DLC1: variants seen among roughly 807,000 people sequenced by gnomAD.
The protein encoded by DLC1 is rho GTPase-activating protein 7.
In DLC1, 54 loss-of-function variants were observed where a neutral mutation model predicts 140.3. The ratio of observed to expected loss-of-function variants is 0.38; its 90% CI spans 0.31 to 0.48. The LOEUF (loss-of-function observed/expected upper bound fraction) is 0.48, where lower values mean the gene tolerates loss of function less well. Ranked by LOEUF, DLC1 falls within the 20% of genes least tolerant of loss-of-function variation. The probability of loss-of-function intolerance (pLI) is 0.96; values close to 1 mark genes in which losing one functional copy is unlikely to be tolerated. For synonymous variants in DLC1, 986 were observed against 728.1 expected (o/e 1.35, Z -5.70); for missense variants, 2,536 against 1,907.0 (o/e 1.33, Z -6.14).
chr8:13,467,793 A>C (rs142626248), intron 2 of DLC1, among the ~76,000 whole-genome samples: 3 of 152,144 alleles, frequency 2.0e-5, no homozygotes, highest in Admixed American at 6.5e-5. Flanking sequence ...ATCTCTTCAT[A>C]TGATCATAAA....
At chr8:13,175,552 A>G (rs1336198243) in intron 5 of DLC1, among the ~76,000 whole-genome samples, 1 of 152,120 alleles carries the variant, frequency 6.6e-6, no homozygotes, top group African/African-American at 2.4e-5. Flanking sequence ...CACATATTTT[A>G]AAATTCAACT....
chr8:13,445,881 T>C (rs1798752504), intron 2 of DLC1, among the ~76,000 whole-genome samples: 1 of 151,952 alleles, frequency 6.6e-6, no homozygotes, highest in South Asian at 2.1e-4. Context: ...TACAAAGAAA[T>C]AGACATTTTA....
intron 1 of DLC1, among the ~76,000 whole-genome samples, chr8:13,597,980 C>T (rs75810959): frequency 0.018 from 2,685 of 152,012 alleles, 43 homozygotes; most frequent in Non-Finnish European, 0.029. Flanking sequence ...ATGTTTACAC[C>T]GAAAATAAAA....
At chr8:13,591,050 T>C (rs534966351) in intron 1 of DLC1, among the ~76,000 whole-genome samples, 1 of 152,240 alleles carries the variant, frequency 6.6e-6, no homozygotes, top group Admixed American at 6.6e-5. Flanking sequence ...AGGAAATTTA[T>C]ATGACATGAG....
intron 1 of DLC1, among the ~76,000 whole-genome samples, chr8:13,532,200 G>A (rs567082616): frequency 7.9e-5 from 12 of 152,240 alleles, no homozygotes; most frequent in Admixed American, 2.0e-4. Context: ...AGCCCAGGAC[G>A]TTGAGGTTGC....
chr8:13,120,356 A>AAAAAAAAATAAATATATATATATAT, intron 5 of DLC1, among the ~76,000 whole-genome samples: 3 of 61,124 alleles, frequency 4.9e-5, no homozygotes, highest in Admixed American at 2.7e-4. Context: ...AAAAAAAAAA[A>AAAAAAAAATAAATATATATATATAT]ATATATATAT....
At chr8:13,451,162 T>G (rs1338404926) in intron 2 of DLC1, among the ~76,000 whole-genome samples, 1 of 149,740 alleles carries the variant, frequency 6.7e-6, no homozygotes, top group African/African-American at 2.5e-5. Flanking sequence ...CAAAGATGTA[T>G]AAAGGTCTTT....
intron 2 of DLC1, among the ~76,000 whole-genome samples, chr8:13,420,854 G>T (rs914040053): frequency 1.3e-5 from 2 of 152,080 alleles, no homozygotes; most frequent in Non-Finnish European, 2.9e-5. Context: ...AGACTAACCT[G>T]CTTAATTTTA....
At chr8:13,596,102 A>G (rs766346976) in intron 1 of DLC1, among the ~76,000 whole-genome samples, 1 of 152,042 alleles carries the variant, frequency 6.6e-6, no homozygotes, top group Non-Finnish European at 1.5e-5. Context: ...TTTTGAGATG[A>G]AAATGATAAG....
chr8:13,535,248 C>A (rs988713687), intron 1 of DLC1, among the ~76,000 whole-genome samples: 1 of 151,724 alleles, frequency 6.6e-6, no homozygotes, highest in African/African-American at 2.4e-5. Context: ...TCTGTGGGTG[C>A]GAGTGTGTGT....
chr8:13,430,130 G>C (rs745588111), intron 2 of DLC1, among the ~76,000 whole-genome samples: 7 of 152,146 alleles, frequency 4.6e-5, no homozygotes, highest in Admixed American at 2.0e-4. Context: ...CTCTAAGTTA[G>C]TCCAAAGGAA....
intron 4 of DLC1, among the ~76,000 whole-genome samples, chr8:13,364,160 T>C (rs1484756718): frequency 6.6e-6 from 1 of 152,196 alleles, no homozygotes; most frequent in Non-Finnish European, 1.5e-5. Flanking sequence ...AGAAGATTTC[T>C]TGTCCAGATT....
intron 4 of DLC1, among the ~76,000 whole-genome samples, chr8:13,330,952 T>C (rs118136560): frequency 0.031 from 4,750 of 152,154 alleles, 111 homozygotes; most frequent in South Asian, 0.095. Context: ...ATAAACATAA[T>C]GGATAGACAT....
intron 5 of DLC1, among the ~76,000 whole-genome samples, chr8:13,196,268 A>G (rs187553653): frequency 1.7e-4 from 26 of 152,332 alleles, no homozygotes; most frequent in African/African-American, 6.3e-4. Flanking sequence ...TGATAATACA[A>G]GTATGCTAAA....
chr8:13,541,698 T>C (rs918053469), intron 1 of DLC1, among the ~76,000 whole-genome samples: 1 of 152,022 alleles, frequency 6.6e-6, no homozygotes, highest in Non-Finnish European at 1.5e-5. Flanking sequence ...TACAGGCGCC[T>C]GCCACCAAGC....
At chr8:13,111,484 G>C (rs1820105670) in intron 6 of DLC1, among the ~76,000 whole-genome samples, 1 of 152,182 alleles carries the variant, frequency 6.6e-6, no homozygotes, top group Non-Finnish European at 1.5e-5. Flanking sequence ...AGTTCATTCA[G>C]TTCTCTCGAG....
At chr8:13,515,989 G>T (rs909314995), upstream of DLC1, among the ~76,000 whole-genome samples, 4 of 152,120 alleles carry the variant, frequency 2.6e-5, no homozygotes, top group South Asian at 4.1e-4. Context: ...AGGTGGTTTT[G>T]GGACATCCAG....
intron 2 of DLC1, among the ~76,000 whole-genome samples, chr8:13,453,387 G>GTGTATATATATATAT (rs1799160543): frequency 1.9e-5 from 1 of 52,454 alleles, no homozygotes; most frequent in East Asian, 8.0e-4. Flanking sequence ...GATGGCCCAG[G>GTGTATATATATATAT]ATATATATAT....
At chr8:13,252,779 C>T (rs1197487780) in intron 5 of DLC1, among the ~76,000 whole-genome samples, 1 of 152,102 alleles carries the variant, frequency 6.6e-6, no homozygotes, top group Non-Finnish European at 1.5e-5. Context: ...AAGAACTGTT[C>T]CATTACACGT....
Sources: gnomAD v4.1 joint callset for allele counts (sites outside exome capture counted in the v4.1 genomes callset) on GRCh38, gnomAD v4.1.1 for gene constraint, MANE v1.5 for transcripts, NCBI Gene and HGNC (gene_info 2026-07-23, HGNC 2026-07-21) for gene names.